Variants in BTNL3 observed in about 807,000 individuals in gnomAD.
BTNL3 encodes butyrophilin-like protein 3.
In BTNL3, 20 loss-of-function variants were observed where a neutral mutation model predicts 40.1. That is an observed-to-expected ratio of 0.50 (90% CI 0.35 to 0.72). The LOEUF (loss-of-function observed/expected upper bound fraction) is 0.72, where lower values mean the gene tolerates loss of function less well. BTNL3 is among the 30% of genes least tolerant of loss of function. BTNL3 has a pLI of 0.01. For missense variants in BTNL3, 449 were observed against 582.2 expected (o/e 0.77, Z 2.35); for synonymous variants, 179 against 222.1 (o/e 0.81, Z 1.73).
chr5:180,995,275 G>A (rs1186805627), intron 2 of BTNL3, among the ~76,000 whole-genome samples: 1 of 136,528 alleles, frequency 7.3e-6, no homozygotes, highest in African/African-American at 2.5e-5. Context: ...ATTCATGTTG[G>A]TCTTGGCAAT....
At chr5:180,998,418 TTAAA>T (rs1227024361) in intron 3 of BTNL3, among the ~76,000 whole-genome samples, 2 of 136,630 alleles carry the variant, frequency 1.5e-5, no homozygotes, top group Non-Finnish European at 3.3e-5. Context: ...CTAAAATTGA[TTAAA>T]TAAGTAGACA....
chr5:181,001,092 A>G (rs1344202607), intron 3 of BTNL3, among the ~76,000 whole-genome samples: 1 of 136,880 alleles, frequency 7.3e-6, no homozygotes. Context: ...TTCATGAAAA[A>G]TGAGAGGAAT....
chr5:180,999,930 C>T (rs1760083726), intron 3 of BTNL3, among the ~76,000 whole-genome samples: 1 of 136,656 alleles, frequency 7.3e-6, no homozygotes. Flanking sequence ...AGACACAAGG[C>T]CCACATTGTT....
intron 7 of BTNL3, among the ~76,000 whole-genome samples, 179 bp from the exon 8 acceptor site, chr5:181,005,155 C>T (rs1035144004): frequency 6.6e-6 from 1 of 152,096 alleles, no homozygotes; most frequent in Non-Finnish European, 1.5e-5. Flanking sequence ...CATGGTTGAG[C>T]ATCTCCAAGC....
intron 2 of BTNL3, among the ~76,000 whole-genome samples, chr5:180,995,768 G>A (rs1760028037): frequency 7.4e-6 from 1 of 135,820 alleles, no homozygotes. Context: ...GATTCCCGCT[G>A]GGCCACCTAC....
Position 181,005,739 on chromosome 5 carries a change from C to T in BTNL3, c.1268C>T (p.Thr423Ile), listed in dbSNP as rs191327392. Residue 423 changes from threonine to isoleucine, a missense_variant, in exon 8 of 8, where the codon ACA becomes ATA. Thr to Ile is a moderately conservative substitution (Grantham distance 89). Transcript: ENST00000342868. ...YEGGTISFFN[T>I]NDQSLIYTLL... ...GGTGGGACCATCTCCTTCTTCAATACAAATGACCAGTCCCTTATTTATACC... is the reference window on the plus strand; with the variant it reads ...GGTGGGACCATCTCCTTCTTCAATATAAATGACCAGTCCCTTATTTATACC... 18 of 1,614,140 alleles carry T rather than the reference C, an allele frequency of 1.1e-5. No homozygotes were observed. The Admixed American group carries it at 1.3e-4, about 12-fold the overall frequency.
rs143999567 is a variant in BTNL3, at chr5:180,998,080, G to GTAAAAATAAAAA, written c.673+607_673+618dup. ...CAGAGCAAGACTCCATCTCAAAAAT[G>GTAAAAATAAAAA]TAAAAATAAAAATAAAAATAAAAAT... On this transcript the variant is annotated intron_variant, in intron 3 of 7. Coordinates refer to ENST00000342868, the MANE Select transcript of BTNL3 (RefSeq NM_197975.3). 1.1e-4 allele frequency among the ~76,000 whole-genome samples: 14 copies of GTAAAAATAAAAA among 132,220 alleles called. 1 individual carries two copies. The highest frequency in any genetic ancestry group is 6.7e-4 in the South Asian group (3 of 4,486). 86.7% of individuals were successfully genotyped at this position (132,220 alleles called of 152,430 possible). A position where few individuals can be genotyped will look rare whatever the true frequency, so the allele number is the denominator to read the frequency against.
intron 2 of BTNL3, 142 bp from the exon 3 acceptor site, chr5:180,997,071 G>T: frequency 8.5e-7 from 1 of 1,182,584 alleles, no homozygotes; most frequent in Non-Finnish European, 1.2e-6. Flanking sequence ...GAGACAGAGA[G>T]AAAAGGATGT....
At position 181,001,358 on chromosome 5, in the gene BTNL3, T is replaced by C. The variant is rs547768149; in HGVS notation, c.674-1314T>C. 1.2e-4 allele frequency among the ~76,000 whole-genome samples: 16 copies of C among 136,318 alleles called. 3 individuals are homozygous for C. The East Asian group carries it at 3.1e-3, about 26-fold the overall frequency. 89.4% of individuals were successfully genotyped at this position (136,318 alleles called of 152,430 possible). A position where few individuals can be genotyped will look rare whatever the true frequency, so the allele number is the denominator to read the frequency against. ...TCACTCTGTCACCCATGCTGGAGTATAGTGGTGCAATCATGGCTCATTGCA... is the reference window on the plus strand; with the variant it reads ...TCACTCTGTCACCCATGCTGGAGTACAGTGGTGCAATCATGGCTCATTGCA... On this transcript the variant is annotated intron_variant, in intron 3 of 7. Transcript: ENST00000342868.
intron 2 of BTNL3, among the ~76,000 whole-genome samples, chr5:180,995,675 C>A (rs551981728): frequency 7.3e-6 from 1 of 136,482 alleles, no homozygotes; most frequent in Admixed American, 7.7e-5. Flanking sequence ...TTCCCCTGGT[C>A]TCCAGTCAAT....
In BTNL3 at chr5:181,004,781, G is replaced by T. The variant is rs1253181988; in HGVS notation, c.862+19G>T. 17 of 1,614,074 alleles carry T rather than the reference G, an allele frequency of 1.1e-5. No homozygotes were observed. Among genetic ancestry groups the T allele is most frequent in the Non-Finnish European group, 1.4e-5 (16 of 1,180,050 alleles). The stretch of plus-strand genomic sequence containing the variant: ...CACGCAGGTACCAACGCCTGAGAGG[G>T]TAACAGTGGGCATGGAGTAGGAAGA... On this transcript the variant is annotated intron_variant, in intron 7 of 7. Coordinates refer to ENST00000342868, the MANE Select transcript of BTNL3 (RefSeq NM_197975.3).
In BTNL3 at chr5:180,997,065, CAGAG is replaced by C; in HGVS notation, c.398-144_398-141del. 4.4e-6 allele frequency: 5 copies of C among 1,142,698 alleles called. 1 individual carries two copies. Among genetic ancestry groups the C allele is most frequent in the South Asian group, 1.4e-5 (1 of 73,438 alleles). 70.8% of individuals were successfully genotyped at this position (1,142,698 alleles called of 1,614,324 possible). A position where few individuals can be genotyped will look rare whatever the true frequency, so the allele number is the denominator to read the frequency against. On this transcript the variant is annotated intron_variant, in intron 2 of 7. Transcript: ENST00000342868. ...GAGAAAAAGATGTGTGTGTAAGAGA[CAGAG>C]AGAAAAGGATGTGTGTGTGTGAGAG... is the stretch of plus-strand genomic sequence containing the variant.
chr5:181,006,173 G>A lies in BTNL3; in HGVS notation c.*301G>A. ...GTTTGTGAAAACTCCATCCAGCTAAGCGATCTTGAACAAGTCACAACCTCC... is the reference window on the plus strand; with the variant it reads ...GTTTGTGAAAACTCCATCCAGCTAAACGATCTTGAACAAGTCACAACCTCC... On this transcript the variant is annotated 3_prime_UTR_variant, in exon 8 of 8. Coordinates refer to ENST00000342868, the MANE Select transcript of BTNL3 (RefSeq NM_197975.3). 2.3e-6 allele frequency: 1 copy of A among 434,756 alleles called. No individual in the cohort carries two copies. The highest frequency in any genetic ancestry group is 4.0e-6 in the Non-Finnish European group (1 of 248,626). 26.9% of individuals were successfully genotyped at this position (434,756 alleles called of 1,614,324 possible). A position where few individuals can be genotyped will look rare whatever the true frequency, so the allele number is the denominator to read the frequency against.
At chr5:181,003,327 G>C (rs1470447636) in intron 4 of BTNL3, among the ~76,000 whole-genome samples, 3 of 135,748 alleles carry the variant, frequency 2.2e-5, no homozygotes, top group Admixed American at 7.8e-5. Flanking sequence ...AGCCATGTTC[G>C]CACCACTGCA....
intron 4 of BTNL3, among the ~76,000 whole-genome samples, chr5:181,003,597 G>A (rs111386069): frequency 8.4e-5 from 12 of 142,702 alleles, no homozygotes; most frequent in African/African-American, 2.7e-4. Flanking sequence ...CCTCCCAGCC[G>A]CCTTCTCCCA....
At position 181,003,247 on chromosome 5, in the gene BTNL3, C is replaced by T. The variant is rs973787729; in HGVS notation, c.787+462C>T. Among the ~76,000 whole-genome samples, 13 of 134,340 alleles carry T rather than the reference C, an allele frequency of 9.7e-5. 3 individuals are homozygous for T. The highest frequency in any genetic ancestry group is 3.3e-4 in the African/African-American group (13 of 39,160). The allele number at this position is 134,340 out of a possible 152,430, so 88.1% of individuals were successfully genotyped here. A position where few individuals can be genotyped will look rare whatever the true frequency, so the allele number is the denominator to read the frequency against. On this transcript the variant is annotated intron_variant, in intron 4 of 7. Transcript: ENST00000342868. ...ATTAGCTGGGTGTGGTGGTGCGTGA[C>T]TGTGGTCCCAGCTACTTAGGAGGTT...
At chr5:181,004,938 G>T (rs1337176869) in intron 7 of BTNL3, among the ~76,000 whole-genome samples, 176 bp downstream of exon 7, 2 of 152,138 alleles carry the variant, frequency 1.3e-5, no homozygotes, top group Non-Finnish European at 2.9e-5. Flanking sequence ...CGTAGGGACT[G>T]GGTCAGCTAG....
In BTNL3 at chr5:180,994,855, C is replaced by T. The variant is rs760183880; in HGVS notation, c.397+1695C>T. Among the ~76,000 whole-genome samples the T allele has an allele frequency of 1.8e-4, 24 of 133,064 alleles. 3 individuals are homozygous for T. Among genetic ancestry groups the T allele is most frequent in the African/African-American group, 3.6e-4 (14 of 38,832 alleles). 87.3% of individuals were successfully genotyped at this position (133,064 alleles called of 152,430 possible). On this transcript the variant is annotated intron_variant, in intron 2 of 7. Coordinates refer to ENST00000342868, the MANE Select transcript of BTNL3 (RefSeq NM_197975.3). Reference sequence around the variant, plus strand: ...TGGATAGAGTGCAGTGGTGCAATCTCGCTCACTGCAAGCTCTGCCTTCCGG... The same window carrying T: ...TGGATAGAGTGCAGTGGTGCAATCTTGCTCACTGCAAGCTCTGCCTTCCGG...
At position 181,005,836 on chromosome 5, in the gene BTNL3, G is replaced by A. The variant is rs1304787371; in HGVS notation, c.1365G>A (p.Gly455=). Residue 455 remains glycine, a synonymous_variant, in exon 8 of 8, where the codon GGG becomes GGA. Transcript: ENST00000342868. ...ATGCGATGTATGACGAGGAAAAGGG[G>A]ACTCCCATATTCATATGTCCAGTGT... The part of the protein sequence containing the change: ...IQHAMYDEEK[G]TPIFICPVSW... The A allele has an allele frequency of 6.2e-7, 1 of 1,612,822 alleles. No homozygotes were observed. Among genetic ancestry groups the A allele is most frequent in the South Asian group, 1.1e-5 (1 of 90,834 alleles).
Sources: allele counts gnomAD v4.1 joint callset (sites outside exome capture counted in the v4.1 genomes callset), GRCh38; gene constraint gnomAD v4.1.1; transcripts MANE v1.5; gene names NCBI Gene and HGNC (gene_info 2026-07-23, HGNC 2026-07-21).